UST: variants seen among roughly 807,000 people sequenced by gnomAD.
The protein encoded by UST is uronyl 2-sulfotransferase.
A neutral mutation model predicts 45.6 loss-of-function variants in UST; 21 were observed. The ratio of observed to expected loss-of-function variants is 0.46; its 90% CI spans 0.33 to 0.66. UST has a LOEUF of 0.66. Ranked by LOEUF, UST falls within the 30% of genes least tolerant of loss-of-function variation. UST has a pLI of 0.02. For missense variants in UST, 463 were observed against 512.4 expected, an observed-to-expected ratio of 0.90 and a Z score of 0.93; for synonymous variants, 215 against 200.6, an observed-to-expected ratio of 1.07 and a Z score of -0.61.
At chr6:149,017,403 G>T (rs2340752) in intron 5 of UST, among the ~76,000 whole-genome samples, 1 of 151,566 alleles carries the variant, frequency 6.6e-6, no homozygotes, top group Non-Finnish European at 1.5e-5. Flanking sequence ...AGTAAGATGC[G>T]TACATTGTAA....
intron 1 of UST, among the ~76,000 whole-genome samples, chr6:148,868,082 A>C (rs1778479947): frequency 6.6e-6 from 1 of 152,142 alleles, no homozygotes; most frequent in Non-Finnish European, 1.5e-5. Context: ...GGACACTGTG[A>C]TCTGAGGCCC....
intron 1 of UST, among the ~76,000 whole-genome samples, chr6:148,841,844 C>T (rs1035500186): frequency 1.3e-5 from 2 of 152,178 alleles, no homozygotes; most frequent in African/African-American, 4.8e-5. Context: ...ATGGCCCAGA[C>T]CCATAATTCC....
chr6:148,777,143 G>A (rs555387641), intron 1 of UST, among the ~76,000 whole-genome samples: 149 of 152,216 alleles, frequency 9.8e-4, no homozygotes, highest in Non-Finnish European at 1.5e-3. Flanking sequence ...TTTTTTCCTG[G>A]TGTGCCGGCT....
chr6:148,806,928 C>G (rs904627011), intron 1 of UST, among the ~76,000 whole-genome samples: 1 of 152,186 alleles, frequency 6.6e-6, no homozygotes. Context: ...GAGGCCAGAG[C>G]CCCCATGACC....
chr6:148,878,045 T>TG (rs1374687515), intron 1 of UST, among the ~76,000 whole-genome samples: 10 of 70,414 alleles, frequency 1.4e-4, no homozygotes, highest in South Asian at 5.5e-4. Flanking sequence ...TGTGTATGAG[T>TG]GGGGGGTTCG....
chr6:148,845,834 A>C (rs1777976218), intron 1 of UST, among the ~76,000 whole-genome samples: 1 of 152,156 alleles, frequency 6.6e-6, no homozygotes, highest in South Asian at 2.1e-4. Context: ...CAGCCAAAAA[A>C]CACATGAAAA....
intron 1 of UST, among the ~76,000 whole-genome samples, chr6:148,789,884 C>T (rs1776806459): frequency 6.6e-6 from 1 of 152,044 alleles, no homozygotes; most frequent in South Asian, 2.1e-4. Flanking sequence ...AAGCATGAGC[C>T]ACTGTGCCTG....
At chr6:148,974,546 A>G (rs1012818470) in intron 5 of UST, among the ~76,000 whole-genome samples, 1 of 152,224 alleles carries the variant, frequency 6.6e-6, no homozygotes, top group Non-Finnish European at 1.5e-5. Flanking sequence ...TCTTTCTGGG[A>G]AAGCAGCCAG....
At chr6:148,854,874 G>T (rs1778172009) in intron 1 of UST, among the ~76,000 whole-genome samples, 1 of 152,152 alleles carries the variant, frequency 6.6e-6, no homozygotes, top group African/African-American at 2.4e-5. Context: ...TTCGCTAGGG[G>T]TCTGTGTTAG....
intron 1 of UST, among the ~76,000 whole-genome samples, chr6:148,876,427 A>G (rs894193402): frequency 1.3e-5 from 2 of 152,194 alleles, no homozygotes; most frequent in Non-Finnish European, 2.9e-5. Flanking sequence ...ACTGTCCTCA[A>G]GTTGTAAATG....
At chr6:149,053,198 G>A (rs1035602788) in intron 7 of UST, among the ~76,000 whole-genome samples, 2 of 152,164 alleles carry the variant, frequency 1.3e-5, no homozygotes, top group East Asian at 3.8e-4. Context: ...TAAATTTATA[G>A]TGAATTGACA....
chr6:148,798,380 G>T (rs140118185), intron 1 of UST, among the ~76,000 whole-genome samples: 1 of 152,148 alleles, frequency 6.6e-6, no homozygotes, highest in East Asian at 1.9e-4. Flanking sequence ...TGGGAGGGAG[G>T]CTAACGGGCT....
At chr6:148,907,884 G>A (rs1189217552) in intron 2 of UST, among the ~76,000 whole-genome samples, 1 of 138,044 alleles carries the variant, frequency 7.2e-6, no homozygotes, top group Non-Finnish European at 1.6e-5. Context: ...TGTAATTTAT[G>A]TCAGGGTGTT....
intron 1 of UST, among the ~76,000 whole-genome samples, chr6:148,797,653 G>T (rs904760249): frequency 1.3e-5 from 2 of 152,200 alleles, no homozygotes; most frequent in Non-Finnish European, 1.5e-5. Context: ...TGTTGTGGGA[G>T]CGTAGAGGGG....
At chr6:148,877,681 AG>A (rs1308949431) in intron 1 of UST, among the ~76,000 whole-genome samples, 1 of 21,488 alleles carries the variant, frequency 4.7e-5, no homozygotes, top group Non-Finnish European at 8.3e-5. Flanking sequence ...GTATGAGTGC[AG>A]GGGGTCATGT....
intron 3 of UST, among the ~76,000 whole-genome samples, chr6:148,949,292 A>AAATAATAATAAT (rs56946786): frequency 7.1e-5 from 10 of 141,356 alleles, no homozygotes; most frequent in South Asian, 6.8e-4. Context: ...CTTCGTCTCA[A>AAATAATAATAAT]AATAATAATA....
chr6:148,869,256 G>T (rs1237494471), intron 1 of UST, among the ~76,000 whole-genome samples: 2 of 152,136 alleles, frequency 1.3e-5, no homozygotes, highest in Non-Finnish European at 2.9e-5. Context: ...TGGAGGTCTG[G>T]GAATCCTTGT....
intron 5 of UST, among the ~76,000 whole-genome samples, chr6:148,982,614 T>G (rs942304177): frequency 3.9e-5 from 6 of 152,130 alleles, no homozygotes; most frequent in African/African-American, 1.4e-4. Flanking sequence ...GCACAGAGGG[T>G]CTCAGAGTAC....
intron 2 of UST, among the ~76,000 whole-genome samples, chr6:148,928,455 AT>A (rs1779861127): frequency 6.6e-6 from 1 of 152,360 alleles, no homozygotes; most frequent in South Asian, 2.1e-4. Context: ...TTATAAAAAT[AT>A]TTTTTGAATA....
Sources: allele counts gnomAD v4.1 joint callset (sites outside exome capture counted in the v4.1 genomes callset), GRCh38; gene constraint gnomAD v4.1.1; transcripts MANE v1.5; gene names NCBI Gene and HGNC (gene_info 2026-07-23, HGNC 2026-07-21).